Variants in SLC38A11 observed in about 807,000 individuals in gnomAD.
SLC38A11 encodes putative sodium-coupled neutral amino acid transporter 11.
In SLC38A11, 51 loss-of-function variants were observed where a neutral mutation model predicts 49.4. The observed-to-expected ratio is 1.03, with a 90% CI of 0.83 to 1.30. The LOEUF (loss-of-function observed/expected upper bound fraction) is 1.30, where lower values mean the gene tolerates loss of function less well. Among genes scored for constraint, SLC38A11 ranks in the 50% most tolerant of loss-of-function variants. The probability of loss-of-function intolerance (pLI) is 0.00; values close to 1 mark genes in which losing one functional copy is unlikely to be tolerated. For missense variants in SLC38A11, 574 were observed against 556.2 expected (o/e 1.03, Z -0.32); for synonymous variants, 203 against 192.9 (o/e 1.05, Z -0.43).
chr2:164,929,664 T>A (rs1363748018), intron 7 of SLC38A11, among the ~76,000 whole-genome samples: 3 of 152,144 alleles, frequency 2.0e-5, no homozygotes, highest in Admixed American at 6.6e-5. Flanking sequence ...CAAGCATACC[T>A]AATAATAGGA....
chr2:164,908,982 G>A (rs1334243265), intron 10 of SLC38A11, among the ~76,000 whole-genome samples: 3 of 151,984 alleles, frequency 2.0e-5, no homozygotes, highest in African/African-American at 7.3e-5. Context: ...TGAACTATTA[G>A]TCAGTGGATT....
At chr2:164,931,164 A>C (rs1048865757) in intron 7 of SLC38A11, among the ~76,000 whole-genome samples, 1 of 151,438 alleles carries the variant, frequency 6.6e-6, no homozygotes, top group African/African-American at 2.4e-5. Context: ...TGCCACACAC[A>C]AAAAGTACCT....
chr2:164,910,292 C>T (rs1205876224), intron 10 of SLC38A11, among the ~76,000 whole-genome samples: 2 of 152,064 alleles, frequency 1.3e-5, no homozygotes, highest in African/African-American at 2.4e-5. Flanking sequence ...TGACTCAGAT[C>T]GTCTGCAGGC....
At chr2:164,920,278 TAA>T (rs57519342) in intron 7 of SLC38A11, among the ~76,000 whole-genome samples, 146 of 133,932 alleles carry the variant, frequency 1.1e-3, no homozygotes, top group African/African-American at 1.6e-3. Flanking sequence ...AAGACTCCGT[TAA>T]AAAAAAAAAA....
chr2:164,953,481 C>T (rs1381194976), intron 2 of SLC38A11, among the ~76,000 whole-genome samples: 1 of 152,130 alleles, frequency 6.6e-6, no homozygotes, highest in East Asian at 1.9e-4. Flanking sequence ...GCTGACACGG[C>T]TTAACTTAAC....
At chr2:164,943,071 G>C (rs1687888082) in intron 5 of SLC38A11, among the ~76,000 whole-genome samples, 1 of 152,198 alleles carries the variant, frequency 6.6e-6, no homozygotes, top group East Asian at 1.9e-4. Context: ...TCTAGAATGA[G>C]TGATTCAAGC....
At chr2:164,925,345 C>A (rs988366358) in intron 7 of SLC38A11, among the ~76,000 whole-genome samples, 1 of 152,090 alleles carries the variant, frequency 6.6e-6, no homozygotes, top group African/African-American at 2.4e-5. Flanking sequence ...CTTTGTTGTG[C>A]TTTTTCACAA....
chr2:164,916,989 T>C (rs2105465660), intron 7 of SLC38A11, among the ~76,000 whole-genome samples: 1 of 151,916 alleles, frequency 6.6e-6, no homozygotes, highest in East Asian at 1.9e-4. Context: ...CTGTGTAGAT[T>C]AAATGAGATA....
intron 5 of SLC38A11, among the ~76,000 whole-genome samples, chr2:164,941,554 A>G (rs534581964): frequency 8.5e-5 from 13 of 152,186 alleles, no homozygotes; most frequent in Non-Finnish European, 1.8e-4. Flanking sequence ...TATGAACTAC[A>G]TTTTTAAAAA....
intron 3 of SLC38A11, among the ~76,000 whole-genome samples, chr2:164,948,085 T>G (rs1036890214): frequency 6.6e-6 from 1 of 152,196 alleles, no homozygotes; most frequent in Non-Finnish European, 1.5e-5. Context: ...TAAAAATTAT[T>G]TATTAGCTGT....
chr2:164,941,535 T>C (rs942378373), intron 5 of SLC38A11, among the ~76,000 whole-genome samples: 2 of 152,190 alleles, frequency 1.3e-5, no homozygotes, highest in Non-Finnish European at 2.9e-5. Flanking sequence ...AAAGTTGTGT[T>C]CTTTGCCATA....
chr2:164,954,882 G>A, intron 1 of SLC38A11, 137 bp from the exon 2 acceptor site: 1 of 558,690 alleles, frequency 1.8e-6, no homozygotes, highest in South Asian at 2.7e-5. Flanking sequence ...ATAAATGCCG[G>A]GATAACAGTA....
chr2:164,923,013 G>A (rs947283470), intron 7 of SLC38A11, among the ~76,000 whole-genome samples: 1 of 152,190 alleles, frequency 6.6e-6, no homozygotes, highest in African/African-American at 2.4e-5. Context: ...GAGATAACTG[G>A]CTAACCATAT....
intron 10 of SLC38A11, 36 bp downstream of exon 10, chr2:164,911,600 C>A: frequency 9.5e-7 from 1 of 1,052,460 alleles, no homozygotes; most frequent in East Asian, 2.6e-5. Context: ...GCAGAGAGAT[C>A]ACCTGGGTAA....
chr2:164,953,153 G>A (rs1688636185), intron 2 of SLC38A11: 1 of 201,490 alleles, frequency 5.0e-6, no homozygotes, highest in East Asian at 1.7e-4. Flanking sequence ...TGCTAGCCAA[G>A]AAAGCAGAGA....
rs745845288 is a variant in SLC38A11, at chr2:164,898,629, A to G, written c.1197T>C (p.Cys399=). ...PRTHSDKIMS[C]VMLPIGAVVM... is the part of the protein sequence containing the mutation. ...CCACAGCACCAATGGGAAGCATGAC[A>G]CAAGACATAATCTTATCGGAGTGTG... The change falls in exon 12 of 12, where the codon TGT becomes TGC. Residue 399 remains cysteine (C), a synonymous_variant. Transcript: ENST00000685975. 6.2e-7 allele frequency: 1 copy of G among 1,613,656 alleles called. No individual in the cohort carries two copies. The highest frequency in any genetic ancestry group is 1.7e-5 in the Admixed American group (1 of 59,920).
intron 5 of SLC38A11, 34 bp downstream of exon 5, chr2:164,944,535 T>A (rs1687982026): frequency 9.6e-7 from 1 of 1,038,548 alleles, no homozygotes; most frequent in Non-Finnish European, 1.3e-6. Flanking sequence ...AAAATAAATA[T>A]ATTTAAATCC....
In SLC38A11 at chr2:164,896,134, C is replaced by T. The variant is rs866195654; in HGVS notation, c.*2303G>A. ...AATAGATTGAGGGGTGGGGTTCTTGCAGTTATGCATGGTGGCAAAATAAGC... is the reference window on the plus strand; with the variant it reads ...AATAGATTGAGGGGTGGGGTTCTTGTAGTTATGCATGGTGGCAAAATAAGC... On this transcript the variant is annotated 3_prime_UTR_variant, in exon 12 of 12. Transcript: ENST00000685975. 3.9e-5 allele frequency: 6 copies of T among 152,196 alleles called. No homozygotes were observed. The highest frequency in any genetic ancestry group is 1.4e-4 in the African/African-American group (6 of 41,548). The allele number at this position is 152,196 out of a possible 1,614,324, so 9.4% of individuals were successfully genotyped here.
rs1687989969 is a variant in SLC38A11, at chr2:164,944,653, TAA to T, written c.365-21_365-20del. 2.8e-6 allele frequency: 3 copies of T among 1,064,636 alleles called. No homozygotes were observed. Among genetic ancestry groups the T allele is most frequent in the Non-Finnish European group, 2.5e-6 (2 of 794,926 alleles). The allele number at this position is 1,064,636 out of a possible 1,614,324, so 65.9% of individuals were successfully genotyped here. On this transcript the variant is annotated intron_variant, in intron 4 of 11. Transcript: ENST00000685975. ...ATCATTGCTAAAAACATAATTAAAA[TAA>T]GAGTCATCAATAAGCCATCTCATAT...
Sources: allele counts gnomAD v4.1 joint callset (sites outside exome capture counted in the v4.1 genomes callset), GRCh38; gene constraint gnomAD v4.1.1; transcripts MANE v1.5; gene names NCBI Gene and HGNC (gene_info 2026-07-23, HGNC 2026-07-21).